Variants in FGF14 observed in about 807,000 individuals in gnomAD.
The protein encoded by FGF14 is fibroblast growth factor homologous factor 4.
A neutral mutation model predicts 25.5 loss-of-function variants in FGF14; 5 were observed. That is an observed-to-expected ratio of 0.20 (90% CI 0.10 to 0.41). FGF14 has a LOEUF of 0.41. FGF14 is among the 10% of genes least tolerant of loss of function. FGF14 has a pLI of 1.00. For synonymous variants in FGF14, 138 were observed against 118.3 expected, an observed-to-expected ratio of 1.17 and a Z score of -1.08; for missense variants, 222 against 320.1, an observed-to-expected ratio of 0.69 and a Z score of 2.34.
intron 1 of FGF14, among the ~76,000 whole-genome samples, chr13:102,009,866 G>T (rs1404102134): frequency 2.0e-5 from 3 of 152,038 alleles, no homozygotes; most frequent in African/African-American, 7.2e-5. Flanking sequence ...AAATATAGAG[G>T]TTATTAGTGA....
At chr13:102,026,572 G>C (rs1030119762) in intron 1 of FGF14, among the ~76,000 whole-genome samples, 1 of 151,822 alleles carries the variant, frequency 6.6e-6, no homozygotes, top group Non-Finnish European at 1.5e-5. Context: ...ACTTTTCCCA[G>C]AACTGAGTTT....
At chr13:102,028,683 A>G (rs1212821337) in intron 1 of FGF14, among the ~76,000 whole-genome samples, 4 of 151,948 alleles carry the variant, frequency 2.6e-5, no homozygotes, top group Admixed American at 6.6e-5. Context: ...ACTGACCCCA[A>G]GTTTTCATGT....
chr13:101,783,873 C>T (rs1409522048), intron 3 of FGF14, among the ~76,000 whole-genome samples: 2 of 152,082 alleles, frequency 1.3e-5, no homozygotes, highest in Non-Finnish European at 2.9e-5. Flanking sequence ...AAGAAAAGGG[C>T]CCAGTTTTAA....
In FGF14 at chr13:101,985,069, G is replaced by GT. The variant is rs1226090096; in HGVS notation, c.209-109774dup. ...TAAAGACCTGGCCATGAATTCAAGG[G>GT]TTTTTTTTTTGTTTTTTTTTTTTTT... On this transcript the variant is annotated intron_variant, in intron 1 of 4. Transcript: ENST00000376131. Among the ~76,000 whole-genome samples, 108 of 118,198 alleles carry GT rather than the reference G, an allele frequency of 9.1e-4. 1 individual carries two copies. The highest frequency in any genetic ancestry group is 3.0e-3 in the Admixed American group (34 of 11,290). The allele number at this position is 118,198 out of a possible 152,430, so 77.5% of individuals were successfully genotyped here.
chr13:101,714,857 G>C lies in FGF14; in HGVS notation c.*7974C>G, dbSNP rs1332493443. Reference sequence around the variant, plus strand: ...TATATTGAACACAGAAAAGAATTTTGTTGGCAACCATTTTACTTTGAACAT... The same window carrying C: ...TATATTGAACACAGAAAAGAATTTTCTTGGCAACCATTTTACTTTGAACAT... On this transcript the variant is annotated 3_prime_UTR_variant, in exon 5 of 5. Transcript: ENST00000376143. 2.2e-5 allele frequency: 7 copies of C among 321,400 alleles called. No homozygotes were observed. The allele number at this position is 321,400 out of a possible 1,614,324, so 19.9% of individuals were successfully genotyped here.
intron 3 of FGF14, among the ~76,000 whole-genome samples, chr13:101,802,832 G>T (rs945013809): frequency 6.6e-6 from 1 of 152,168 alleles, no homozygotes; most frequent in Admixed American, 6.6e-5. Flanking sequence ...ATCCTGAGGT[G>T]TCAGGTGTAC....
intron 3 of FGF14, among the ~76,000 whole-genome samples, chr13:101,789,737 T>C (rs919691670): frequency 2.6e-5 from 4 of 151,986 alleles, no homozygotes; most frequent in Non-Finnish European, 5.9e-5. Flanking sequence ...ATGAAACTTT[T>C]TATAGATAGT....
At chr13:101,842,775 T>C (rs908787731) in intron 3 of FGF14, among the ~76,000 whole-genome samples, 2 of 151,986 alleles carry the variant, frequency 1.3e-5, no homozygotes, top group Non-Finnish European at 2.9e-5. Context: ...GCCTGAAGCA[T>C]TGTTTGTTTC....
intron 1 of FGF14, among the ~76,000 whole-genome samples, chr13:101,929,078 C>T (rs1013613610): frequency 5.3e-5 from 8 of 152,138 alleles, no homozygotes; most frequent in African/African-American, 1.4e-4. Flanking sequence ...GTCTATTGAG[C>T]GCTAACTCTG....
intron 3 of FGF14, among the ~76,000 whole-genome samples, chr13:101,850,603 A>T (rs1410931541): frequency 1.5e-5 from 2 of 135,956 alleles, no homozygotes; most frequent in Non-Finnish European, 3.1e-5. Flanking sequence ...ATATAATTCT[A>T]TATATAGCAT....
intron 1 of FGF14, among the ~76,000 whole-genome samples, chr13:101,954,942 TC>T (rs1009866662): frequency 2.0e-5 from 3 of 152,180 alleles, no homozygotes; most frequent in African/African-American, 4.8e-5. Context: ...GGACTAATAA[TC>T]CCCCATTCTC....
intron 1 of FGF14, among the ~76,000 whole-genome samples, chr13:102,354,614 A>G (rs950142745): frequency 6.6e-6 from 1 of 152,192 alleles, no homozygotes; most frequent in Non-Finnish European, 1.5e-5. Flanking sequence ...GAGGCCCACA[A>G]AGAATTTCCT....
At chr13:101,869,072 G>A (rs947410834) in intron 2 of FGF14, among the ~76,000 whole-genome samples, 1 of 152,122 alleles carries the variant, frequency 6.6e-6, no homozygotes, top group African/African-American at 2.4e-5. Context: ...GGGCTGATGC[G>A]ACAATAAACA....
rs557560999 is a variant in FGF14 at position 102,009,712 on chromosome 13, G to A, written c.209-134416C>T. On this transcript the variant is annotated intron_variant, in intron 1 of 4. Transcript: ENST00000376131. ...TTGTTTCTTGTTTTAACATTTCATT[G>A]TGTTACTAATTTTAATAAGAGACTC... Among the ~76,000 whole-genome samples, 3 of 151,794 alleles carry A rather than the reference G, an allele frequency of 2.0e-5. No individual in the cohort carries two copies. The East Asian group carries it at 5.8e-4, about 29-fold the overall frequency.
chr13:102,192,934 A>T (rs1415383062), intron 1 of FGF14, among the ~76,000 whole-genome samples: 4 of 151,756 alleles, frequency 2.6e-5, no homozygotes, highest in African/African-American at 9.7e-5. Flanking sequence ...CTGCGCCCTC[A>T]CTCCAACTGC....
intron 3 of FGF14, among the ~76,000 whole-genome samples, chr13:101,842,561 C>T (rs1296448098): frequency 2.0e-5 from 3 of 151,880 alleles, no homozygotes; most frequent in South Asian, 2.1e-4. Flanking sequence ...TGCTACTGGA[C>T]GCCTGGGTAG....
chr13:102,228,969 TAA>T (rs2050952285), intron 1 of FGF14, among the ~76,000 whole-genome samples: 1 of 152,232 alleles, frequency 6.6e-6, no homozygotes, highest in Non-Finnish European at 1.5e-5. Flanking sequence ...TCTCTCCTCC[TAA>T]CATCATTTTA....
At chr13:102,041,583 TA>T (rs11430268) in intron 1 of FGF14, among the ~76,000 whole-genome samples, 10,296 of 141,778 alleles carry the variant, frequency 0.073, 979 homozygotes, top group African/African-American at 0.23. Context: ...TGTTTCCATG[TA>T]AAAAAAAAAA....
rs539421568 is a variant in FGF14, at chr13:102,270,664, G to A, written c.208+130807C>T. 2.2e-4 allele frequency among the ~76,000 whole-genome samples: 34 copies of A among 152,182 alleles called. 1 individual carries two copies. The highest frequency in any genetic ancestry group is 6.8e-3 in the Middle Eastern group (2 of 294). On this transcript the variant is annotated intron_variant, in intron 1 of 4. Transcript: ENST00000376131. Reference sequence around the variant, plus strand: ...GTGAGCATAAATATATAGACATATAGACATATATATTGTACATTGCATTGT... The same window carrying A: ...GTGAGCATAAATATATAGACATATAAACATATATATTGTACATTGCATTGT...
Sources: gnomAD v4.1 joint callset for allele counts (sites outside exome capture counted in the v4.1 genomes callset) on GRCh38, gnomAD v4.1.1 for gene constraint, MANE v1.5 for transcripts, NCBI Gene and HGNC (gene_info 2026-07-23, HGNC 2026-07-21) for gene names.